The following AUTS2 variants were observed in gnomAD, a reference collection of about 807,000 sequenced individuals.
AUTS2 encodes autism susceptibility gene 2 protein.
AUTS2 carries 17 observed loss-of-function variants against 112.4 expected under a neutral mutation model. That is an observed-to-expected ratio of 0.15 (90% CI 0.10 to 0.23). The LOEUF is 0.23. Ranked by LOEUF, AUTS2 falls within the 10% of genes least tolerant of loss-of-function variation. AUTS2 has a pLI of 1.00. For missense variants in AUTS2, 1,510 were observed against 1,701.6 expected (o/e 0.89, Z 1.98); for synonymous variants, 751 against 702.7 (o/e 1.07, Z -1.09).
chr7:70,020,551 G>A (rs140663022), intron 2 of AUTS2, among the ~76,000 whole-genome samples: 1 of 152,222 alleles, frequency 6.6e-6, no homozygotes, highest in East Asian at 1.9e-4. Flanking sequence ...GAGTCCAAAG[G>A]CATCTTACCT....
At chr7:70,059,649 G>A (rs1250149901) in intron 2 of AUTS2, among the ~76,000 whole-genome samples, 1 of 152,186 alleles carries the variant, frequency 6.6e-6, no homozygotes, top group Non-Finnish European at 1.5e-5. Context: ...ATAGATTGGA[G>A]GAGGTACATC....
intron 1 of AUTS2, among the ~76,000 whole-genome samples, chr7:69,674,599 T>C (rs1401526537): frequency 3.1e-5 from 4 of 127,668 alleles, no homozygotes; most frequent in African/African-American, 8.8e-5. Context: ...ATGGCTGTCA[T>C]GCCTGAGAGT....
chr7:70,144,631 G>T (rs1489983465), intron 4 of AUTS2, among the ~76,000 whole-genome samples: 1 of 152,048 alleles, frequency 6.6e-6, no homozygotes, highest in Non-Finnish European at 1.5e-5. Flanking sequence ...TAGGTCCAGA[G>T]TTACAGAACC....
chr7:70,768,737 A>AAGTT (rs1790103922), intron 10 of AUTS2, among the ~76,000 whole-genome samples: 1 of 152,116 alleles, frequency 6.6e-6, no homozygotes, highest in Non-Finnish European at 1.5e-5. Flanking sequence ...ATAACACCCT[A>AAGTT]AGTTATAGGT....
chr7:70,305,903 A>G (rs1235773008), intron 4 of AUTS2, among the ~76,000 whole-genome samples: 1 of 152,238 alleles, frequency 6.6e-6, no homozygotes, highest in African/African-American at 2.4e-5. Context: ...GTATAAAACC[A>G]GTAAGCAATG....
chr7:69,975,682 GT>G (rs879643977), intron 2 of AUTS2, among the ~76,000 whole-genome samples: 66 of 147,136 alleles, frequency 4.5e-4, no homozygotes, highest in African/African-American at 1.4e-3. Context: ...TTTTTTAATT[GT>G]TTTTTTTTTA....
At chr7:70,471,349 G>A (rs1797374787) in intron 5 of AUTS2, among the ~76,000 whole-genome samples, 1 of 152,086 alleles carries the variant, frequency 6.6e-6, no homozygotes. Flanking sequence ...AAGGGAAGGA[G>A]GGGGAAATAT....
intron 2 of AUTS2, among the ~76,000 whole-genome samples, chr7:69,923,054 C>G (rs149559371): frequency 1.3e-5 from 2 of 152,242 alleles, no homozygotes; most frequent in Admixed American, 1.3e-4. Flanking sequence ...TATGTATTTG[C>G]CTGAATCAAC....
intron 5 of AUTS2, among the ~76,000 whole-genome samples, chr7:70,604,838 G>C (rs1286495343): frequency 6.6e-6 from 1 of 152,230 alleles, no homozygotes; most frequent in Non-Finnish European, 1.5e-5. Context: ...TTTAGGTTCT[G>C]TCCTTACAGT....
intron 5 of AUTS2, among the ~76,000 whole-genome samples, chr7:70,632,636 T>G (rs1336880107): frequency 6.6e-6 from 1 of 152,052 alleles, no homozygotes; most frequent in Non-Finnish European, 1.5e-5. Flanking sequence ...CTCCCCTCCC[T>G]TCCATCCATC....
chr7:70,195,903 T>A (rs1163651292), intron 4 of AUTS2, among the ~76,000 whole-genome samples: 1 of 151,630 alleles, frequency 6.6e-6, no homozygotes, highest in Admixed American at 6.6e-5. Flanking sequence ...AGATTCCTGC[T>A]CTTCCATGTT....
At chr7:70,053,930 A>ATTATATTTGTGTT (rs1801876622) in intron 2 of AUTS2, among the ~76,000 whole-genome samples, 1 of 152,138 alleles carries the variant, frequency 6.6e-6, no homozygotes, top group Non-Finnish European at 1.5e-5. Context: ...TTGTGATATG[A>ATTATATTTGTGTT]TTATATTTGT....
chr7:70,655,194 C>T (rs1047259581), intron 5 of AUTS2, among the ~76,000 whole-genome samples: 11 of 152,220 alleles, frequency 7.2e-5, no homozygotes, highest in African/African-American at 2.2e-4. Flanking sequence ...CATGGCTTTT[C>T]CACTGTCTCA....
chr7:70,122,063 T>A (rs959274690), intron 3 of AUTS2, among the ~76,000 whole-genome samples: 1 of 152,170 alleles, frequency 6.6e-6, no homozygotes, highest in Non-Finnish European at 1.5e-5. Flanking sequence ...TTTAAAAATA[T>A]GCTAAATAAA....
chr7:70,680,509 C>T (rs1808153816), intron 5 of AUTS2, among the ~76,000 whole-genome samples: 2 of 152,154 alleles, frequency 1.3e-5, no homozygotes, highest in Admixed American at 1.3e-4. Flanking sequence ...TCATGTGATC[C>T]GGTCCAGGTC....
intron 2 of AUTS2, among the ~76,000 whole-genome samples, chr7:69,940,023 T>C (rs976460807): frequency 2.0e-5 from 3 of 152,234 alleles, no homozygotes; most frequent in East Asian, 3.8e-4. Flanking sequence ...GGCTCTATTC[T>C]AAACTCTTTT....
At chr7:69,673,115 T>C (rs1414554661) in intron 1 of AUTS2, among the ~76,000 whole-genome samples, 1 of 152,218 alleles carries the variant, frequency 6.6e-6, no homozygotes, top group Non-Finnish European at 1.5e-5. Flanking sequence ...TACTTTTATG[T>C]TTCCCTGTTG....
chr7:70,467,980 G>A (rs1295248055), intron 5 of AUTS2, among the ~76,000 whole-genome samples: 1 of 152,190 alleles, frequency 6.6e-6, no homozygotes, highest in Non-Finnish European at 1.5e-5. Context: ...ACAGAGTTGA[G>A]GACTTATCTG....
intron 5 of AUTS2, among the ~76,000 whole-genome samples, chr7:70,454,390 A>C (rs1182310849): frequency 1.3e-5 from 2 of 152,036 alleles, no homozygotes; most frequent in Admixed American, 1.3e-4. Flanking sequence ...CAAAAAAATT[A>C]GCTGGACGTG....
Sources: allele counts gnomAD v4.1 joint callset (sites outside exome capture counted in the v4.1 genomes callset), GRCh38; gene constraint gnomAD v4.1.1; transcripts MANE v1.5; gene names NCBI Gene and HGNC (gene_info 2026-07-23, HGNC 2026-07-21).